The following YIPF1 variants were observed in gnomAD, a reference collection of about 807,000 sequenced individuals.
YIPF1 encodes Yip1 domain family member 1.
A neutral mutation model predicts 37.0 loss-of-function variants in YIPF1; 22 were observed. That is an observed-to-expected ratio of 0.59 (90% CI 0.42 to 0.85). The LOEUF (loss-of-function observed/expected upper bound fraction) is 0.85, where lower values mean the gene tolerates loss of function less well. Ranked by LOEUF, YIPF1 falls within the 40% of genes least tolerant of loss-of-function variation. The pLI, the probability that YIPF1 is intolerant of heterozygous loss-of-function variation, is 0.00. For missense variants in YIPF1, 355 were observed against 373.1 expected (o/e 0.95, Z 0.40); for synonymous variants, 128 against 131.9 (o/e 0.97, Z 0.21).
chr1:53,856,519 G>A (rs1649724236), intron 10 of YIPF1, among the ~76,000 whole-genome samples: 1 of 152,054 alleles, frequency 6.6e-6, no homozygotes, highest in Non-Finnish European at 1.5e-5. Flanking sequence ...TCTTATCATG[G>A]TTCCCCTGTA....
intron 3 of YIPF1, among the ~76,000 whole-genome samples, chr1:53,888,462 G>A (rs1291154926): frequency 6.6e-6 from 1 of 152,146 alleles, no homozygotes; most frequent in Non-Finnish European, 1.5e-5. Context: ...CCCGGTTCCT[G>A]GTCACAACCA....
intron 8 of YIPF1, 137 bp from the exon 9 acceptor site, chr1:53,866,519 A>T: frequency 2.0e-6 from 2 of 1,013,118 alleles, no homozygotes; most frequent in Non-Finnish European, 2.9e-6. Flanking sequence ...TACAGGCTGG[A>T]GGAACACCAC....
chr1:53,885,810 A>T (rs1044581968), intron 3 of YIPF1, among the ~76,000 whole-genome samples: 14 of 105,154 alleles, frequency 1.3e-4, no homozygotes, highest in Admixed American at 2.2e-4. Context: ...ACAGAGCGAG[A>T]CTCGGTCTCA....
At chr1:53,858,174 C>T (rs149073992) in intron 10 of YIPF1, among the ~76,000 whole-genome samples, 366 of 152,092 alleles carry the variant, frequency 2.4e-3, no homozygotes, top group African/African-American at 8.4e-3. Context: ...ATTCTAACAT[C>T]GCATACCCAT....
intron 3 of YIPF1, among the ~76,000 whole-genome samples, chr1:53,885,071 G>A (rs1650608966): frequency 6.6e-6 from 1 of 152,134 alleles, no homozygotes; most frequent in Non-Finnish European, 1.5e-5. Context: ...TTTGTTCAAG[G>A]TAAGACTCTT....
chr1:53,860,988 T>G (rs553898022), intron 9 of YIPF1, among the ~76,000 whole-genome samples: 1 of 152,318 alleles, frequency 6.6e-6, no homozygotes, highest in Non-Finnish European at 1.5e-5. Flanking sequence ...GATACCCCCT[T>G]GGGGTCAGTG....
chr1:53,857,709 C>T (rs1307586353), intron 10 of YIPF1, among the ~76,000 whole-genome samples: 3 of 152,110 alleles, frequency 2.0e-5, no homozygotes, highest in Non-Finnish European at 4.4e-5. Context: ...AGGCCGGGCG[C>T]GATGGCTCAC....
chr1:53,877,011 G>A (rs538773677), intron 6 of YIPF1, among the ~76,000 whole-genome samples: 1 of 152,226 alleles, frequency 6.6e-6, no homozygotes, highest in Non-Finnish European at 1.5e-5. Flanking sequence ...TTCAACAGAT[G>A]TTAGTGTTCT....
rs185544153 is a variant in YIPF1, at chr1:53,871,290, T to G, written c.481+82A>C. The G allele has an allele frequency of 5.6e-3, 6,796 of 1,219,006 alleles. 46 individuals carry two copies. Among genetic ancestry groups the G allele is most frequent in the South Asian group, 0.016 (1,226 of 78,238 alleles). The allele number at this position is 1,219,006 out of a possible 1,614,324, so 75.5% of individuals were successfully genotyped here. ...AAAGCAGGGCTGCAGCATCTAGAGA[T>G]GGGGCCCAGGAGCTCAGTGGGTAAA... On this transcript the variant is annotated intron_variant, in intron 7 of 10. Transcript: ENST00000072644.
intron 7 of YIPF1, among the ~76,000 whole-genome samples, chr1:53,870,951 T>C (rs1650171761): frequency 7.1e-6 from 1 of 141,274 alleles, no homozygotes; most frequent in South Asian, 2.2e-4. Flanking sequence ...AGGTGGAGGC[T>C]GCAGTGAGCT....
intron 7 of YIPF1, among the ~76,000 whole-genome samples, chr1:53,871,088 T>G (rs146258853): frequency 2.6e-5 from 4 of 152,056 alleles, no homozygotes; most frequent in Admixed American, 2.0e-4. Context: ...TCCCAAAGAT[T>G]ATGTGGACTC....
rs1187046255 is a variant in YIPF1 at position 53,888,986 on chromosome 1, T to C, written c.-49A>G. 1.9e-6 allele frequency: 3 copies of C among 1,560,126 alleles called. No homozygotes were observed. Among genetic ancestry groups the C allele is most frequent in the Admixed American group, 3.4e-5 (2 of 59,624 alleles). On this transcript the variant is annotated splice_region_variant and 5_prime_UTR_variant, in exon 3 of 11. Transcript: ENST00000072644. ...TTATGAGGAAGAAAATTTGCAGGGT[T>C]CTAAAAGAAAAAAATAGGTAAACAT...
intron 3 of YIPF1, among the ~76,000 whole-genome samples, chr1:53,885,846 A>G (rs1468209953): frequency 6.6e-6 from 1 of 151,576 alleles, no homozygotes; most frequent in African/African-American, 2.4e-5. Context: ...AAAGAGAGAA[A>G]AAGAGTATAA....
intron 8 of YIPF1, 111 bp downstream of exon 8, chr1:53,866,644 CAGA>C (rs2100727132): frequency 2.2e-6 from 3 of 1,340,888 alleles, no homozygotes; most frequent in South Asian, 1.5e-5. Context: ...GAGATTTTTT[CAGA>C]AGAACATGAG....
At position 53,884,734 on chromosome 1, in the gene YIPF1, A is replaced by T. The variant is rs576092860; in HGVS notation, c.32-1458T>A. On this transcript the variant is annotated intron_variant, in intron 3 of 10. Coordinates refer to ENST00000072644, the MANE Select transcript of YIPF1 (RefSeq NM_018982.5). ...AGAACCTTACCTACTTGTGTCCACC[A>T]GCAGTGATTGAGACTTCCTGTCTCC... is the stretch of plus-strand genomic sequence containing the variant. Among the ~76,000 whole-genome samples the T allele has an allele frequency of 6.6e-5, 10 of 152,350 alleles. 1 individual carries two copies. The South Asian group carries it at 2.1e-3, about 32-fold the overall frequency.
At chr1:53,879,488 T>C (rs907808480) in intron 4 of YIPF1, among the ~76,000 whole-genome samples, 1 of 148,382 alleles carries the variant, frequency 6.7e-6, no homozygotes, top group Non-Finnish European at 1.5e-5. Flanking sequence ...CACTCTAAAG[T>C]ACTAAAAATA....
At chr1:53,866,714 A>T (rs1650033903) in intron 8 of YIPF1, 44 bp downstream of exon 8, 1 of 1,574,020 alleles carries the variant, frequency 6.4e-7, no homozygotes, top group Non-Finnish European at 8.6e-7. Context: ...TTCTACCAAG[A>T]ACAGAGCATC....
intron 6 of YIPF1, among the ~76,000 whole-genome samples, chr1:53,874,328 G>A (rs1274012915): frequency 6.6e-6 from 1 of 152,058 alleles, no homozygotes; most frequent in Non-Finnish European, 1.5e-5. Context: ...CTTATTATGG[G>A]TTGGGGGTGG....
chr1:53,860,903 C>T lies in YIPF1; in HGVS notation c.832-750G>A, dbSNP rs188146085. 5.9e-5 allele frequency among the ~76,000 whole-genome samples: 9 copies of T among 152,206 alleles called. No individual in the cohort carries two copies. The South Asian group carries it at 1.7e-3, about 28-fold the overall frequency. On this transcript the variant is annotated intron_variant, in intron 9 of 10. Coordinates refer to ENST00000072644, the MANE Select transcript of YIPF1 (RefSeq NM_018982.5). ...AACTTGAGCCCAGGAAAATACCAATCTCACTACCCTTGAATACTGGTTGTT... is the reference window on the plus strand; with the variant it reads ...AACTTGAGCCCAGGAAAATACCAATTTCACTACCCTTGAATACTGGTTGTT...
Sources: allele counts gnomAD v4.1 joint callset (sites outside exome capture counted in the v4.1 genomes callset), GRCh38; gene constraint gnomAD v4.1.1; transcripts MANE v1.5; gene names NCBI Gene and HGNC (gene_info 2026-07-23, HGNC 2026-07-21).